PIK3C2G: variants seen among roughly 807,000 people sequenced by gnomAD.
The protein encoded by PIK3C2G is phosphatidylinositol 3-kinase C2 domain-containing subunit gamma.
In PIK3C2G, 168 loss-of-function variants were observed where a neutral mutation model predicts 181.1. That is an observed-to-expected ratio of 0.93 (90% CI 0.82 to 1.05). PIK3C2G has a LOEUF of 1.05. Ranked by LOEUF, PIK3C2G falls within the 50% of genes least tolerant of loss-of-function variation. The pLI is 0.00. For synonymous variants in PIK3C2G, 573 were observed against 592.2 expected, an observed-to-expected ratio of 0.97 and a Z score of 0.47; for missense variants, 1,869 against 1,732.8, an observed-to-expected ratio of 1.08 and a Z score of -1.40.
the PIK3C2G span, chr12:18,696,349 T>TATATATATATATATATATCA: frequency 4.6e-6 from 1 of 219,154 alleles, no homozygotes. Flanking sequence ...TATATATATA[T>TATATATATATATATATATCA]ATCATATAAT....
chr12:18,264,517 G>A (rs1297471694), intron 1 of PIK3C2G, among the ~76,000 whole-genome samples: 1 of 151,986 alleles, frequency 6.6e-6, no homozygotes, highest in Non-Finnish European at 1.5e-5. Flanking sequence ...ATGCTGTTTT[G>A]TTGAGTATTG....
intron 29 of PIK3C2G, among the ~76,000 whole-genome samples, chr12:18,570,662 C>T (rs1945886294): frequency 6.7e-6 from 1 of 150,028 alleles, no homozygotes; most frequent in Non-Finnish European, 1.5e-5. Context: ...GGATTTAGGG[C>T]AAGCAGGTGC....
intron 1 of PIK3C2G, among the ~76,000 whole-genome samples, chr12:18,262,025 G>A (rs1341956367): frequency 6.6e-6 from 1 of 152,102 alleles, no homozygotes; most frequent in Non-Finnish European, 1.5e-5. Flanking sequence ...GCTCCCAGAG[G>A]AAATTCTTGT....
chr12:18,271,405 C>T (rs1007758767), intron 1 of PIK3C2G, among the ~76,000 whole-genome samples: 2 of 152,080 alleles, frequency 1.3e-5, no homozygotes, highest in Non-Finnish European at 2.9e-5. Flanking sequence ...TAATAAAATA[C>T]TCATGTTTTT....
chr12:18,422,360 C>A (rs1945536978), intron 17 of PIK3C2G, among the ~76,000 whole-genome samples: 1 of 151,956 alleles, frequency 6.6e-6, no homozygotes, highest in Admixed American at 6.6e-5. Flanking sequence ...CACTCATTGT[C>A]CTTAGACTTC....
At chr12:18,445,568 C>A (rs150650814) in intron 18 of PIK3C2G, among the ~76,000 whole-genome samples, 21 of 152,096 alleles carry the variant, frequency 1.4e-4, no homozygotes, top group African/African-American at 5.1e-4. Flanking sequence ...TTTCACAAAG[C>A]AATTTTGCTT....
intron 22 of PIK3C2G, among the ~76,000 whole-genome samples, chr12:18,498,375 G>T (rs1941179046): frequency 6.6e-6 from 1 of 152,134 alleles, no homozygotes. Context: ...ATCAGAGGTA[G>T]AATTGCACTT....
chr12:18,440,266 A>G (rs1225582336), intron 18 of PIK3C2G, among the ~76,000 whole-genome samples: 1 of 152,074 alleles, frequency 6.6e-6, no homozygotes, highest in Admixed American at 6.6e-5. Flanking sequence ...TGTTCACCAA[A>G]AAAAAAATAT....
chr12:18,360,258 G>A (rs1470057885), intron 11 of PIK3C2G, among the ~76,000 whole-genome samples: 2 of 151,808 alleles, frequency 1.3e-5, no homozygotes, highest in Non-Finnish European at 2.9e-5. Context: ...AATCACATAC[G>A]AAAACTCTGT....
chr12:18,302,825 A>G (rs1207238185), intron 5 of PIK3C2G, among the ~76,000 whole-genome samples: 1 of 152,024 alleles, frequency 6.6e-6, no homozygotes, highest in East Asian at 1.9e-4. Flanking sequence ...GGCAGGATGC[A>G]GTGATTCCCA....
intron 18 of PIK3C2G, among the ~76,000 whole-genome samples, chr12:18,479,294 C>T (rs960387632): frequency 4.6e-5 from 7 of 151,954 alleles, no homozygotes; most frequent in Non-Finnish European, 7.4e-5. Flanking sequence ...AAGATAATTC[C>T]TAGATTGCAT....
At chr12:18,616,408 T>G (rs1326719649) in intron 31 of PIK3C2G, among the ~76,000 whole-genome samples, 2 of 152,108 alleles carry the variant, frequency 1.3e-5, no homozygotes, top group Non-Finnish European at 2.9e-5. Context: ...TAAGCTATAT[T>G]TATAAATCAA....
chr12:18,397,340 AC>A (rs1034978118), intron 15 of PIK3C2G, among the ~76,000 whole-genome samples: 1 of 151,966 alleles, frequency 6.6e-6, no homozygotes, highest in African/African-American at 2.4e-5. Flanking sequence ...TCATGAAAAG[AC>A]CCCATTAAAG....
At chr12:18,275,015 A>G (rs1037570235) in intron 1 of PIK3C2G, among the ~76,000 whole-genome samples, 1 of 152,116 alleles carries the variant, frequency 6.6e-6, no homozygotes, top group African/African-American at 2.4e-5. Context: ...TCTGAAGCTT[A>G]TTCTCCAGTA....
intron 14 of PIK3C2G, among the ~76,000 whole-genome samples, chr12:18,387,026 C>T (rs909191810): frequency 3.3e-5 from 5 of 152,160 alleles, no homozygotes; most frequent in South Asian, 2.1e-4. Flanking sequence ...ATGCCCCAAA[C>T]GGAGCCCACT....
chr12:18,505,918 G>T (rs1335283312), intron 24 of PIK3C2G, among the ~76,000 whole-genome samples: 1 of 152,138 alleles, frequency 6.6e-6, no homozygotes, highest in Non-Finnish European at 1.5e-5. Flanking sequence ...ACTATTCAAG[G>T]ATATAACAGT....
Position 18,486,340 on chromosome 12 carries a change from G to C in PIK3C2G, c.2505-2109G>C, listed in dbSNP as rs147962475. On this transcript the variant is annotated intron_variant, in intron 18 of 32. Transcript: ENST00000538779. Reference sequence around the variant, plus strand: ...GGATATAGTCACATGTTATCTCTGTGACTCTCCCCTGCTCGGTTTTATTTT... The same window carrying C: ...GGATATAGTCACATGTTATCTCTGTCACTCTCCCCTGCTCGGTTTTATTTT... Among the ~76,000 whole-genome samples, 158 of 152,130 alleles carry C rather than the reference G, an allele frequency of 1.0e-3. 1 individual carries two copies. Among genetic ancestry groups the C allele is most frequent in the African/African-American group, 3.6e-3 (150 of 41,504 alleles).
intron 29 of PIK3C2G, among the ~76,000 whole-genome samples, chr12:18,573,198 T>C (rs1254779872): frequency 1.3e-5 from 2 of 152,206 alleles, no homozygotes; most frequent in African/African-American, 4.8e-5. Flanking sequence ...GTTACTATTA[T>C]CTTAGTGTGG....
chr12:18,701,055 G>C, the PIK3C2G span, among the ~76,000 whole-genome samples: 1 of 151,598 alleles, frequency 6.6e-6, no homozygotes, highest in Non-Finnish European at 1.5e-5. Context: ...CTCGATCTCG[G>C]CTCACTGCAA....
Sources: gnomAD v4.1 joint callset for allele counts (sites outside exome capture counted in the v4.1 genomes callset) on GRCh38, gnomAD v4.1.1 for gene constraint, MANE v1.5 for transcripts, NCBI Gene and HGNC (gene_info 2026-07-23, HGNC 2026-07-21) for gene names.